The following DPT variants were observed in gnomAD, a reference collection of about 807,000 sequenced individuals.
DPT encodes the protein tyrosine-rich acidic matrix protein.
A neutral mutation model predicts 31.2 loss-of-function variants in DPT; 21 were observed. The observed-to-expected ratio is 0.67, with a 90% CI of 0.48 to 0.97. DPT has a LOEUF of 0.97. Among genes scored for constraint, DPT ranks in the 50% least tolerant of loss-of-function variants. The probability of loss-of-function intolerance (pLI) is 0.00; values close to 1 mark genes in which losing one functional copy is unlikely to be tolerated. For synonymous variants in DPT, 91 were observed against 86.9 expected (o/e 1.05, Z -0.26); for missense variants, 262 against 258.8 (o/e 1.01, Z -0.08).
chr1:168,712,504 A>G (rs1452289276), intron 2 of DPT, among the ~76,000 whole-genome samples: 4 of 152,238 alleles, frequency 2.6e-5, no homozygotes, highest in Non-Finnish European at 5.9e-5. Context: ...ATTTACATAC[A>G]TTTTAACTGG....
At chr1:168,719,089 G>A (rs1437166473) in intron 1 of DPT, among the ~76,000 whole-genome samples, 1 of 152,152 alleles carries the variant, frequency 6.6e-6, no homozygotes, top group Non-Finnish European at 1.5e-5. Flanking sequence ...AGAAGAATGA[G>A]GGACCGAATG....
At chr1:168,702,559 T>C (rs12122756) in intron 2 of DPT, among the ~76,000 whole-genome samples, 19,880 of 152,016 alleles carry the variant, frequency 0.13, 1,552 homozygotes, top group African/African-American at 0.22. Context: ...CAGAAACTTA[T>C]TTTGTGCTTC....
chr1:168,707,540 G>A (rs979186093), intron 2 of DPT, among the ~76,000 whole-genome samples: 10 of 152,298 alleles, frequency 6.6e-5, no homozygotes, highest in Middle Eastern at 6.8e-3. Flanking sequence ...CATAAGGAGA[G>A]AGGTATCACC....
At chr1:168,704,591 T>TGG (rs1010874573) in intron 2 of DPT, among the ~76,000 whole-genome samples, 9 of 144,116 alleles carry the variant, frequency 6.2e-5, no homozygotes, top group African/African-American at 1.1e-4. Flanking sequence ...GGTGTGTGTG[T>TGG]GGGGTGTGTG....
At chr1:168,715,708 A>G (rs1342417147) in intron 1 of DPT, among the ~76,000 whole-genome samples, 1 of 152,218 alleles carries the variant, frequency 6.6e-6, no homozygotes, top group Non-Finnish European at 1.5e-5. Context: ...CTGCCCCCAC[A>G]CAGCATGCAA....
intron 1 of DPT, among the ~76,000 whole-genome samples, chr1:168,719,867 C>G (rs1380667843): frequency 6.6e-6 from 1 of 151,942 alleles, no homozygotes. Flanking sequence ...GTATTGTTAG[C>G]CCTGCTCCAT....
intron 2 of DPT, among the ~76,000 whole-genome samples, chr1:168,702,945 C>A (rs781209355): frequency 1.4e-4 from 22 of 152,082 alleles, no homozygotes; most frequent in Non-Finnish European, 2.8e-4. Context: ...CTAATAGGGC[C>A]TTACTTGGAT....
chr1:168,724,197 G>A (rs897558795), intron 1 of DPT, among the ~76,000 whole-genome samples: 1 of 152,212 alleles, frequency 6.6e-6, no homozygotes. Context: ...CTCTGTGCAT[G>A]TTTTAGCGAT....
intron 2 of DPT, among the ~76,000 whole-genome samples, chr1:168,704,818 C>T (rs898820729): frequency 6.6e-6 from 1 of 152,160 alleles, no homozygotes; most frequent in East Asian, 1.9e-4. Context: ...GAAATCAGTT[C>T]GAACTGAAGA....
At chr1:168,707,904 C>T (rs1216282134) in intron 2 of DPT, among the ~76,000 whole-genome samples, 2 of 152,122 alleles carry the variant, frequency 1.3e-5, no homozygotes, top group African/African-American at 4.8e-5. Context: ...GTTACCCAGT[C>T]TCGGGTATGT....
intron 2 of DPT, among the ~76,000 whole-genome samples, chr1:168,707,476 T>C (rs1426075423): frequency 1.3e-5 from 2 of 152,054 alleles, no homozygotes; most frequent in Non-Finnish European, 2.9e-5. Flanking sequence ...TGGCCTTGGG[T>C]TAACCAATAC....
chr1:168,727,287 T>A (rs1182910265), intron 1 of DPT, among the ~76,000 whole-genome samples: 1 of 152,236 alleles, frequency 6.6e-6, no homozygotes, highest in Non-Finnish European at 1.5e-5. Context: ...ATCTCTAGAC[T>A]GCAGTTTGTC....
At chr1:168,715,670 A>C (rs1010807662) in intron 1 of DPT, among the ~76,000 whole-genome samples, 1 of 152,260 alleles carries the variant, frequency 6.6e-6, no homozygotes, top group African/African-American at 2.4e-5. Flanking sequence ...AGAGCCCTGG[A>C]AATTGAGCAC....
chr1:168,696,252 A>G lies in DPT; in HGVS notation c.*297T>C. 2 of 432,770 alleles carry G rather than the reference A, an allele frequency of 4.6e-6. No homozygotes were observed. The highest frequency in any genetic ancestry group is 8.1e-6 in the Non-Finnish European group (2 of 246,876). The allele number at this position is 432,770 out of a possible 1,614,324, so 26.8% of individuals were successfully genotyped here. A position where few individuals can be genotyped will look rare whatever the true frequency, so the allele number is the denominator to read the frequency against. On this transcript the variant is annotated 3_prime_UTR_variant, in exon 4 of 4. Transcript: ENST00000367817. ...GCCAGGCTGCAGCTGGTGCTCCAGA[A>G]GCCCGGCTGTAAGCATGCGCACTGT...
intron 1 of DPT, among the ~76,000 whole-genome samples, chr1:168,715,075 C>G (rs866307612): frequency 6.6e-5 from 10 of 152,312 alleles, no homozygotes; most frequent in Non-Finnish European, 1.3e-4. Flanking sequence ...AACAGGCCAA[C>G]TGAATGCCTC....
intron 1 of DPT, among the ~76,000 whole-genome samples, chr1:168,721,337 T>C (rs1436805659): frequency 6.6e-6 from 1 of 152,206 alleles, no homozygotes; most frequent in African/African-American, 2.4e-5. Flanking sequence ...AACCTGACAG[T>C]ATTACACAAA....
chr1:168,721,502 T>A (rs913819829), intron 1 of DPT, among the ~76,000 whole-genome samples: 1 of 152,170 alleles, frequency 6.6e-6, no homozygotes, highest in African/African-American at 2.4e-5. Flanking sequence ...GAAACATCAC[T>A]TTCAGTAAAT....
intron 1 of DPT, among the ~76,000 whole-genome samples, chr1:168,724,574 G>C (rs1162842157): frequency 2.0e-5 from 3 of 152,180 alleles, no homozygotes; most frequent in Non-Finnish European, 4.4e-5. Flanking sequence ...GTAGTGACAA[G>C]GGCATTGTAG....
At chr1:168,727,463 C>T (rs189720101) in intron 1 of DPT, among the ~76,000 whole-genome samples, 7 of 152,238 alleles carry the variant, frequency 4.6e-5, no homozygotes, top group African/African-American at 1.7e-4. Flanking sequence ...GGTGTTTCTT[C>T]CTCTTGGATT....
Sources: gnomAD v4.1 joint callset for allele counts (sites outside exome capture counted in the v4.1 genomes callset) on GRCh38, gnomAD v4.1.1 for gene constraint, MANE v1.5 for transcripts, NCBI Gene and HGNC (gene_info 2026-07-23, HGNC 2026-07-21) for gene names.